The following TMEM51 variants were observed in gnomAD, a reference collection of about 807,000 sequenced individuals.
The protein encoded by TMEM51 is transmembrane protein 51, also known as chromosome 1 open reading frame 72.
A neutral mutation model predicts 13.6 loss-of-function variants in TMEM51; 8 were observed. The observed-to-expected ratio is 0.59, with a 90% confidence interval of 0.35 to 1.07. The LOEUF is 1.07. TMEM51 is among the 50% of genes least tolerant of loss of function. TMEM51 has a pLI of 0.02. For missense variants in TMEM51, 279 were observed against 330.7 expected, an observed-to-expected ratio of 0.84 and a Z score of 1.21; for synonymous variants, 147 against 144.4, an observed-to-expected ratio of 1.02 and a Z score of -0.13.
chr1:15,174,227 G>A (rs997030422), intron 1 of TMEM51, among the ~76,000 whole-genome samples: 10 of 152,074 alleles, frequency 6.6e-5, no homozygotes, highest in African/African-American at 9.7e-5. Flanking sequence ...TGTAGCCTTC[G>A]TTGATAGAAT....
chr1:15,180,554 G>C (rs1643584650), intron 1 of TMEM51, among the ~76,000 whole-genome samples: 1 of 152,198 alleles, frequency 6.6e-6, no homozygotes, highest in South Asian at 2.1e-4. Flanking sequence ...TATGCTGATT[G>C]TTTTGGGGGC....
chr1:15,174,222 C>A (rs562356267), intron 1 of TMEM51, among the ~76,000 whole-genome samples: 1 of 152,118 alleles, frequency 6.6e-6, no homozygotes, highest in Admixed American at 6.6e-5. Flanking sequence ...ACTTCTGTAG[C>A]CTTCGTTGAT....
chr1:15,159,536 C>T (rs1642700691), intron 1 of TMEM51, among the ~76,000 whole-genome samples: 1 of 152,066 alleles, frequency 6.6e-6, no homozygotes, highest in South Asian at 2.1e-4. Flanking sequence ...AGTTAATAAC[C>T]CTGTTCTGGC....
intron 1 of TMEM51, among the ~76,000 whole-genome samples, chr1:15,188,683 C>T (rs985755700): frequency 3.3e-5 from 5 of 152,178 alleles, no homozygotes; most frequent in Non-Finnish European, 7.3e-5. Flanking sequence ...TGGGACATTC[C>T]TATTTGGTGT....
intron 1 of TMEM51, among the ~76,000 whole-genome samples, chr1:15,174,783 G>A (rs1015167740): frequency 8.5e-5 from 13 of 152,080 alleles, no homozygotes; most frequent in East Asian, 1.9e-4. Context: ...GCAGATGGCC[G>A]CCTACTCACT....
chr1:15,205,850 A>T (rs993850149), intron 1 of TMEM51, among the ~76,000 whole-genome samples: 1 of 152,146 alleles, frequency 6.6e-6, no homozygotes, highest in African/African-American at 2.4e-5. Context: ...GGATTGTAAA[A>T]GTCTGTCTCA....
intron 1 of TMEM51, among the ~76,000 whole-genome samples, chr1:15,199,087 T>C (rs971863088): frequency 1.3e-5 from 2 of 151,920 alleles, no homozygotes; most frequent in African/African-American, 2.4e-5. Flanking sequence ...CATAATGCCA[T>C]GCTGGCTGTG....
chr1:15,211,950 T>A (rs1438378210), intron 2 of TMEM51, among the ~76,000 whole-genome samples: 1 of 152,116 alleles, frequency 6.6e-6, no homozygotes, highest in African/African-American at 2.4e-5. Context: ...GAGAATTTTT[T>A]AAAAATTAGA....
chr1:15,205,455 G>A (rs1644233125), intron 1 of TMEM51, among the ~76,000 whole-genome samples: 1 of 152,166 alleles, frequency 6.6e-6, no homozygotes, highest in Non-Finnish European at 1.5e-5. Context: ...TCCACCCACA[G>A]GAAGGCCACA....
intron 2 of TMEM51, among the ~76,000 whole-genome samples, chr1:15,210,895 G>A (rs1349304013): frequency 6.6e-6 from 1 of 152,146 alleles, no homozygotes; most frequent in Non-Finnish European, 1.5e-5. Flanking sequence ...CAGATGCCCC[G>A]CTGGGAGCTG....
intron 1 of TMEM51, among the ~76,000 whole-genome samples, chr1:15,186,074 G>C (rs1265600802): frequency 1.3e-5 from 2 of 152,174 alleles, no homozygotes; most frequent in Non-Finnish European, 2.9e-5. Flanking sequence ...GAGGGACCCT[G>C]CCCCCTCCTC....
intron 3 of TMEM51, among the ~76,000 whole-genome samples, chr1:15,218,145 T>C: frequency 6.6e-6 from 1 of 152,204 alleles, no homozygotes; most frequent in East Asian, 1.9e-4. Context: ...GTGTAGAAAA[T>C]ATCCTGACTT....
At chr1:15,216,052 A>C (rs1644427483) in intron 3 of TMEM51, among the ~76,000 whole-genome samples, 1 of 152,060 alleles carries the variant, frequency 6.6e-6, no homozygotes, top group African/African-American at 2.4e-5. Flanking sequence ...ATACAAAAAC[A>C]AAAAACTGTC....
intron 2 of TMEM51, 89 bp from the exon 3 acceptor site, chr1:15,214,806 T>C (rs1174720712): frequency 2.3e-6 from 1 of 434,198 alleles, no homozygotes; most frequent in Non-Finnish European, 4.1e-6. Context: ...TGCTGCTGCC[T>C]AACTCCTTCA....
chr1:15,169,509 G>T (rs1246634891), intron 1 of TMEM51, among the ~76,000 whole-genome samples: 1 of 152,076 alleles, frequency 6.6e-6, no homozygotes, highest in Non-Finnish European at 1.5e-5. Context: ...CTGGTGCTTG[G>T]GTCTTTTCAT....
chr1:15,208,638 GAAAT>G (rs1208125173), intron 1 of TMEM51, among the ~76,000 whole-genome samples: 14 of 152,148 alleles, frequency 9.2e-5, no homozygotes, highest in Admixed American at 3.9e-4. Context: ...TTTAAATACA[GAAAT>G]AAATAAATAA....
rs1192162038 is a variant in TMEM51, at chr1:15,161,446, A to G, written c.-267+7492A>G. ...CTTGAACCTGGAAAGCAGAGGTTGC[A>G]GTGAGCCGAGATCGTGCCACTGAAC... On this transcript the variant is annotated intron_variant, in intron 1 of 3. Coordinates refer to ENST00000376008, the MANE Select transcript of TMEM51 (RefSeq NM_001136218.2). The surrounding 1 kb of genome is among the most constrained non-coding windows in gnomAD (Gnocchi z 4.0). Among the ~76,000 whole-genome samples the G allele has an allele frequency of 6.6e-6, 1 of 151,966 alleles. No individual in the cohort carries two copies. The highest frequency in any genetic ancestry group is 1.5e-5 in the Non-Finnish European group (1 of 68,020).
chr1:15,210,234 A>C (rs1253932955), intron 1 of TMEM51, among the ~76,000 whole-genome samples: 1 of 152,198 alleles, frequency 6.6e-6, no homozygotes, highest in Non-Finnish European at 1.5e-5. Flanking sequence ...TCTCTGGAGC[A>C]CATGTCTAAG....
chr1:15,159,985 C>G (rs1482045011), intron 1 of TMEM51, among the ~76,000 whole-genome samples: 1 of 152,104 alleles, frequency 6.6e-6, no homozygotes, highest in Non-Finnish European at 1.5e-5. Flanking sequence ...GGAGCAAGTT[C>G]TTTTTTTTAA....
Sources: gnomAD v4.1 joint callset for allele counts (sites outside exome capture counted in the v4.1 genomes callset) on GRCh38, gnomAD v4.1.1 for gene constraint, Gnocchi (gnomAD v3.1) non-coding constraint, MANE v1.5 for transcripts, NCBI Gene and HGNC (gene_info 2026-07-23, HGNC 2026-07-21) for gene names.